The following GPHN variants were observed in gnomAD, a reference collection of about 807,000 sequenced individuals.
GPHN encodes the protein gephyrin.
Under a neutral mutation model 95.5 loss-of-function variants are expected in GPHN, and 17 were observed. The ratio of observed to expected loss-of-function variants is 0.18; its 90% CI spans 0.12 to 0.27. GPHN has a LOEUF of 0.27. Among genes scored for constraint, GPHN ranks in the 10% least tolerant of loss-of-function variants. The pLI, the probability that GPHN is intolerant of heterozygous loss-of-function variation, is 1.00. For synonymous variants in GPHN, 320 were observed against 322.5 expected (o/e 0.99, Z 0.08); for missense variants, 660 against 978.1 (o/e 0.67, Z 4.34).
the GPHN span, among the ~76,000 whole-genome samples, chr14:67,604,371 T>C: frequency 8.5e-5 from 13 of 152,338 alleles, no homozygotes; most frequent in Non-Finnish European, 1.5e-4. Context: ...TTATGGCTAG[T>C]GTTGTATAAT....
the GPHN span, among the ~76,000 whole-genome samples, chr14:67,652,983 G>T: frequency 1.3e-5 from 2 of 152,188 alleles, no homozygotes; most frequent in African/African-American, 2.4e-5. Flanking sequence ...GTAGAGACGG[G>T]TTTCACCATT....
chr14:67,089,133 CTTTTTT>C (rs1163483546), intron 12 of GPHN, 58 bp downstream of exon 12: 96 of 200,380 alleles, frequency 4.8e-4, no homozygotes, highest in Admixed American at 9.4e-4. Context: ...TTCTTTTTTT[CTTTTTT>C]TTTTTTTTTT....
the GPHN span, chr14:67,650,969 A>T: frequency 6.4e-7 from 1 of 1,551,338 alleles, no homozygotes; most frequent in Non-Finnish European, 8.9e-7. Flanking sequence ...CAGAATTATG[A>T]GGCATTGAGG....
intron 9 of GPHN, among the ~76,000 whole-genome samples, chr14:66,980,973 C>T (rs1042896992): frequency 2.0e-5 from 3 of 152,066 alleles, no homozygotes; most frequent in Admixed American, 6.5e-5. Flanking sequence ...CACTTGAACC[C>T]GGGAGGCAGA....
chr14:66,739,003 A>G (rs573583257), intron 2 of GPHN, among the ~76,000 whole-genome samples: 3 of 152,050 alleles, frequency 2.0e-5, no homozygotes, highest in Non-Finnish European at 4.4e-5. Context: ...GTGAGAAAAT[A>G]TTAGTAACTT....
chr14:67,129,793 AGAGG>A (rs1379715345), intron 17 of GPHN, among the ~76,000 whole-genome samples: 2 of 139,356 alleles, frequency 1.4e-5, no homozygotes, highest in Non-Finnish European at 3.1e-5. Flanking sequence ...AAAGAGAGAG[AGAGG>A]GAGAGGGAGG....
rs2078785770 is a variant in GPHN at position 67,117,959 on chromosome 14, T to C, written c.1627-4297T>C. Reference sequence around the variant, plus strand: ...TCCTGCCTAAGTCTTGGTAGGATTTTCATAATACCAAAATCCTAATACAAA... The same window carrying C: ...TCCTGCCTAAGTCTTGGTAGGATTTCCATAATACCAAAATCCTAATACAAA... On this transcript the variant is annotated intron_variant, in intron 16 of 22. Coordinates refer to ENST00000478722, the MANE Select transcript of GPHN (RefSeq NM_020806.5). 2.0e-5 allele frequency among the ~76,000 whole-genome samples: 3 copies of C among 152,138 alleles called. No individual in the cohort carries two copies. In the South Asian group the frequency reaches 6.2e-4, roughly 32 times the overall value.
At chr14:67,249,589 A>G in the GPHN span, among the ~76,000 whole-genome samples, 1 of 152,238 alleles carries the variant, frequency 6.6e-6, no homozygotes, top group South Asian at 2.1e-4. Flanking sequence ...TTTGTAGTAT[A>G]TCTAATAAGT....
the GPHN span, among the ~76,000 whole-genome samples, chr14:67,380,963 G>A: frequency 1.3e-5 from 2 of 152,106 alleles, no homozygotes; most frequent in African/African-American, 4.8e-5. Flanking sequence ...AGTAGAAACA[G>A]TCTTGTGAGT....
intron 5 of GPHN, among the ~76,000 whole-genome samples, chr14:66,913,144 T>C (rs1410806556): frequency 1.3e-5 from 2 of 152,154 alleles, no homozygotes; most frequent in East Asian, 3.9e-4. Flanking sequence ...AGACCACAAA[T>C]TGAAAAATAC....
intron 11 of GPHN, among the ~76,000 whole-genome samples, chr14:67,080,288 C>T (rs1567302384): frequency 6.6e-6 from 1 of 151,316 alleles, no homozygotes; most frequent in Non-Finnish European, 1.5e-5. Flanking sequence ...GTTGTAAGAG[C>T]TCTTTATGTA....
chr14:67,666,067 G>A, the GPHN span, among the ~76,000 whole-genome samples: 6 of 152,300 alleles, frequency 3.9e-5, no homozygotes, highest in East Asian at 3.9e-4. Context: ...CAAAAGTGCT[G>A]AGCATCATCA....
the GPHN span, chr14:67,385,274 T>G: frequency 1.3e-5 from 2 of 152,152 alleles, no homozygotes; most frequent in African/African-American, 4.8e-5. Context: ...AGAACAGGCT[T>G]GGCAAAGAAG....
the GPHN span, among the ~76,000 whole-genome samples, chr14:67,295,310 C>A: frequency 2.6e-5 from 4 of 151,488 alleles, no homozygotes; most frequent in African/African-American, 9.7e-5. Context: ...CATGGTGAAA[C>A]CTGGTCTCTA....
chr14:66,964,573 T>C (rs2069180975), intron 8 of GPHN, among the ~76,000 whole-genome samples: 1 of 151,912 alleles, frequency 6.6e-6, no homozygotes, highest in Admixed American at 6.6e-5. Context: ...AGGGAAGGAG[T>C]GCTATTAGAA....
At chr14:66,764,576 T>C (rs896802562) in intron 2 of GPHN, among the ~76,000 whole-genome samples, 3 of 152,200 alleles carry the variant, frequency 2.0e-5, no homozygotes, top group African/African-American at 7.2e-5. Flanking sequence ...CTAGATTTTA[T>C]GCTTTTAATT....
intron 16 of GPHN, among the ~76,000 whole-genome samples, chr14:67,115,371 G>A (rs889599075): frequency 4.6e-5 from 7 of 152,098 alleles, no homozygotes; most frequent in Admixed American, 1.3e-4. Context: ...ACTTAATGTA[G>A]CAAGGCCATA....
At chr14:67,595,622 G>T in the GPHN span, among the ~76,000 whole-genome samples, 1 of 152,192 alleles carries the variant, frequency 6.6e-6, no homozygotes, top group East Asian at 1.9e-4. Flanking sequence ...TCTGCTGGAG[G>T]GGCTTCTGGA....
At chr14:66,947,448 T>C (rs1380280706) in intron 8 of GPHN, among the ~76,000 whole-genome samples, 2 of 152,360 alleles carry the variant, frequency 1.3e-5, no homozygotes, top group East Asian at 3.9e-4. Context: ...GGTGGGAAGA[T>C]CCATGAGGAC....
Sources: gnomAD v4.1 joint callset for allele counts (sites outside exome capture counted in the v4.1 genomes callset) on GRCh38, gnomAD v4.1.1 for gene constraint, MANE v1.5 for transcripts, NCBI Gene and HGNC (gene_info 2026-07-23, HGNC 2026-07-21) for gene names.